The following BDH1 variants were observed in gnomAD, a reference collection of about 807,000 sequenced individuals.
The protein encoded by BDH1 is 3-hydroxybutyrate dehydrogenase 1, also known as D-beta-hydroxybutyrate dehydrogenase, mitochondrial.
In BDH1, 30 loss-of-function variants were observed where a neutral mutation model predicts 33.1. The ratio of observed to expected loss-of-function variants is 0.91; its 90% confidence interval spans 0.68 to 1.23. BDH1 has a LOEUF of 1.23. Ranked by LOEUF, BDH1 falls within the 50% of genes most tolerant of loss-of-function variation. BDH1 has a pLI of 0.00. For missense variants in BDH1, 443 were observed against 464.4 expected, an observed-to-expected ratio of 0.95 and a Z score of 0.42; for synonymous variants, 190 against 183.6, an observed-to-expected ratio of 1.03 and a Z score of -0.28.
chr3:197,540,483 A>C (rs747894755), intron 3 of BDH1, among the ~76,000 whole-genome samples: 10 of 151,758 alleles, frequency 6.6e-5, no homozygotes, highest in Admixed American at 2.0e-4. Flanking sequence ...AGCCTGGCCA[A>C]CATGGTGAAA....
chr3:197,569,822 A>G (rs1717551444), intron 1 of BDH1, among the ~76,000 whole-genome samples: 2 of 152,246 alleles, frequency 1.3e-5, no homozygotes, highest in Non-Finnish European at 2.9e-5. Flanking sequence ...ATCAGCAGCA[A>G]GAAAACAGAC....
chr3:197,526,372 C>CCCT lies in BDH1; in HGVS notation c.268-3592_268-3591insAGG, dbSNP rs1714097545. ...CCTTCCAAGGTTGGATCCGGGGCAG[C>CCCT]AAATTAGGGGCAAGACTGTAGTCGT... On this transcript the variant is annotated intron_variant, in intron 5 of 7. Coordinates refer to ENST00000392379, the MANE Select transcript of BDH1 (RefSeq NM_203314.3). The surrounding 1 kb of genome is among the most constrained non-coding windows in gnomAD (Gnocchi z 4.7). 6.6e-6 allele frequency among the ~76,000 whole-genome samples: 1 copy of CCCT among 152,182 alleles called. No homozygotes were observed. Among genetic ancestry groups the CCCT allele is most frequent in the Non-Finnish European group, 1.5e-5 (1 of 68,036 alleles).
In BDH1 at chr3:197,522,155, C is replaced by G. The variant is rs1339427972; in HGVS notation, c.409+485G>C. Reference sequence around the variant, plus strand: ...TCCTCTTGGAACAACCATATCTGCTCTCTGCCACAATCTGCCTTAACTGGC... The same window carrying G: ...TCCTCTTGGAACAACCATATCTGCTGTCTGCCACAATCTGCCTTAACTGGC... On this transcript the variant is annotated intron_variant, in intron 6 of 7. Coordinates refer to ENST00000392379, the MANE Select transcript of BDH1 (RefSeq NM_203314.3). This position sits in a 1 kb window ranked among gnomAD's most constrained non-coding sequence, Gnocchi z 4.8. 6.6e-6 allele frequency among the ~76,000 whole-genome samples: 1 copy of G among 152,238 alleles called. No individual in the cohort carries two copies. The highest frequency in any genetic ancestry group is 2.4e-5 in the African/African-American group (1 of 41,462).
intron 1 of BDH1, among the ~76,000 whole-genome samples, chr3:197,570,647 G>A (rs1437258464): frequency 6.6e-6 from 1 of 152,244 alleles, no homozygotes; most frequent in African/African-American, 2.4e-5. Flanking sequence ...CTTCCATGTG[G>A]TGTTGAGCCT....
At position 197,512,064 on chromosome 3, in the gene BDH1, C is replaced by T. The variant is rs1398231677; in HGVS notation, c.863G>A (p.Cys288Tyr). The change falls in exon 8 of 8, where the codon TGC (cysteine) becomes TAC (tyrosine). Residue 288 changes from cysteine (C) to tyrosine (Y), a missense_variant. Cys to Tyr is a radical substitution (Grantham distance 194, BLOSUM62 -2). Coordinates refer to ENST00000392379, the MANE Select transcript of BDH1 (RefSeq NM_203314.3). ...GGACGTGTCTGTGGAGCCACTGCTG[C>T]AGTAGGTCTCCATCTTGGCGATCTT... ...DEKIAKMETYCSSGSTDTSPV... is the reference protein window; with the variant it reads ...DEKIAKMETYYSSGSTDTSPV... 6.2e-7 allele frequency: 1 copy of T among 1,614,192 alleles called. No homozygotes were observed.
Position 197,520,374 on chromosome 3 carries a change from G to T in BDH1, c.409+2266C>A, listed in dbSNP as rs1348681879. 2.0e-5 allele frequency among the ~76,000 whole-genome samples: 3 copies of T among 152,246 alleles called. No homozygotes were observed. Among genetic ancestry groups the T allele is most frequent in the Non-Finnish European group, 4.4e-5 (3 of 68,048 alleles). Reference sequence around the variant, plus strand: ...CGGAATGCCCGGCGTGGGAAAAGCAGCAGGGAAAGGTCTGCGCGTCAGGCT... The same window carrying T: ...CGGAATGCCCGGCGTGGGAAAAGCATCAGGGAAAGGTCTGCGCGTCAGGCT... On this transcript the variant is annotated intron_variant, in intron 6 of 7. Transcript: ENST00000392379. The surrounding 1 kb of genome is among the most constrained non-coding windows in gnomAD (Gnocchi z 6.0).
chr3:197,542,521 CTTT>C (rs71164295), intron 3 of BDH1, among the ~76,000 whole-genome samples: 7 of 106,446 alleles, frequency 6.6e-5, no homozygotes, highest in African/African-American at 2.1e-4. Flanking sequence ...TTCTTGCTTG[CTTT>C]TTTTTTTTTT....
At position 197,511,915 on chromosome 3, in the gene BDH1, C is replaced by A. The variant is rs768985550; in HGVS notation, c.1012G>T (p.Asp338Tyr). The A allele has an allele frequency of 6.4e-7, 1 of 1,566,128 alleles. No individual in the cohort carries two copies. The highest frequency in any genetic ancestry group is 8.7e-7 in the Non-Finnish European group (1 of 1,153,032). The change falls in exon 8 of 8, where the codon GAC becomes TAC. Residue 338 changes from aspartate (D) to tyrosine (Y), a missense_variant. By Grantham distance (160) the Asp-to-Tyr change is radical (BLOSUM62 -3). Coordinates refer to ENST00000392379, the MANE Select transcript of BDH1 (RefSeq NM_203314.3). ...ACTCTTCAGCGGATGTAGATCATGT[C>A]GGAGATGGCTCCAGGCAAGTGGGTC... ...IMTHLPGAIS[D>Y]MIYIR is the part of the protein sequence containing the mutation.
chr3:197,561,896 T>C (rs1302825579), intron 1 of BDH1, among the ~76,000 whole-genome samples: 1 of 152,216 alleles, frequency 6.6e-6, no homozygotes, highest in Non-Finnish European at 1.5e-5. Flanking sequence ...TCCTTCCCCC[T>C]TTGCCATCTG....
At chr3:197,559,658 ATTTG>A (rs1717197767), upstream of BDH1, among the ~76,000 whole-genome samples, 1 of 152,180 alleles carries the variant, frequency 6.6e-6, no homozygotes, top group Admixed American at 6.5e-5. Flanking sequence ...GGAAGAATTT[ATTTG>A]TTTGGTTTGT....
At chr3:197,557,031 G>A (rs1011880059), upstream of BDH1, among the ~76,000 whole-genome samples, 1 of 152,244 alleles carries the variant, frequency 6.6e-6, no homozygotes. This position sits in a 1 kb window ranked among gnomAD's most constrained non-coding sequence, Gnocchi z 4.6. Context: ...ATGCATATCT[G>A]ATTCCCCCTT....
At chr3:197,550,361 C>T (rs112839561) in intron 2 of BDH1, among the ~76,000 whole-genome samples, 4 of 152,198 alleles carry the variant, frequency 2.6e-5, no homozygotes, top group South Asian at 2.1e-4. Flanking sequence ...GATTAGGCTT[C>T]GGTGGCGACC....
At chr3:197,531,360 G>A (rs1714625864) in intron 5 of BDH1, among the ~76,000 whole-genome samples, 1 of 150,364 alleles carries the variant, frequency 6.7e-6, no homozygotes, top group Admixed American at 6.6e-5. Context: ...TGCACCCACT[G>A]CACTCCAGCC....
chr3:197,568,211 A>G (rs1303258008), intron 1 of BDH1, among the ~76,000 whole-genome samples: 5 of 152,154 alleles, frequency 3.3e-5, no homozygotes, highest in Admixed American at 2.6e-4. Flanking sequence ...GCGATAGGGA[A>G]TAAAAACACT....
intron 3 of BDH1, among the ~76,000 whole-genome samples, chr3:197,534,547 G>C (rs752971582): frequency 6.6e-6 from 1 of 152,176 alleles, no homozygotes; most frequent in Non-Finnish European, 1.5e-5. Flanking sequence ...TTCCTACACA[G>C]GTTTTTGCGC....
chr3:197,544,789 T>C (rs1408527339), intron 3 of BDH1, among the ~76,000 whole-genome samples: 1 of 152,182 alleles, frequency 6.6e-6, no homozygotes. Context: ...CCGGGCGTGG[T>C]GAATCCCAGC....
chr3:197,532,548 T>A, intron 4 of BDH1, 26 bp from the exon 5 acceptor site: 2 of 1,583,392 alleles, frequency 1.3e-6, no homozygotes, highest in Non-Finnish European at 1.7e-6. Flanking sequence ...AGATTCCATG[T>A]TAGGAACCGG....
In BDH1 at chr3:197,511,758, T is replaced by C. The variant is rs1232754016; in HGVS notation, c.*137A>G. ...TATGCAAAGAAGTCATTCCCTCTAGTTAGTGTTAAAACCAGTTATGGGTCT... is the reference window on the plus strand; with the variant it reads ...TATGCAAAGAAGTCATTCCCTCTAGCTAGTGTTAAAACCAGTTATGGGTCT... On this transcript the variant is annotated 3_prime_UTR_variant, in exon 8 of 8. Transcript: ENST00000392379. 3.6e-6 allele frequency: 3 copies of C among 823,482 alleles called. No individual in the cohort carries two copies. In the African/African-American group the frequency reaches 5.2e-5, roughly 14 times the overall value. 51.0% of individuals were successfully genotyped at this position (823,482 alleles called of 1,614,324 possible). A position where few individuals can be genotyped will look rare whatever the true frequency, so the allele number is the denominator to read the frequency against.
At chr3:197,558,640 T>C (rs1164026354), upstream of BDH1, among the ~76,000 whole-genome samples, 1 of 152,250 alleles carries the variant, frequency 6.6e-6, no homozygotes, top group Non-Finnish European at 1.5e-5. Context: ...GATTAGAACA[T>C]GCAGGGAACT....
Sources: allele counts gnomAD v4.1 joint callset (sites outside exome capture counted in the v4.1 genomes callset), GRCh38; gene constraint gnomAD v4.1.1; non-coding constraint Gnocchi (gnomAD v3.1); transcripts MANE v1.5; gene names NCBI Gene and HGNC (gene_info 2026-07-23, HGNC 2026-07-21).